VSTM4: variants seen among roughly 807,000 people sequenced by gnomAD.
VSTM4 encodes V-set and transmembrane domain containing 4, also known as V-set and transmembrane domain-containing protein 4.
A neutral mutation model predicts 36.4 loss-of-function variants in VSTM4; 20 were observed. That is an observed-to-expected ratio of 0.55 (90% CI 0.39 to 0.80). VSTM4 has a LOEUF of 0.80. Ranked by LOEUF, VSTM4 falls within the 30% of genes least tolerant of loss-of-function variation. VSTM4 has a pLI of 0.00. For synonymous variants in VSTM4, 182 were observed against 173.9 expected, an observed-to-expected ratio of 1.05 and a Z score of -0.37; for missense variants, 392 against 404.5, an observed-to-expected ratio of 0.97 and a Z score of 0.26.
intron 7 of VSTM4, among the ~76,000 whole-genome samples, chr10:49,044,543 AG>A (rs1428473458): frequency 6.6e-6 from 1 of 150,890 alleles, no homozygotes; most frequent in Non-Finnish European, 1.5e-5. Flanking sequence ...AAAGAAAGAA[AG>A]GAAGAAAGGA....
intron 7 of VSTM4, among the ~76,000 whole-genome samples, chr10:49,022,968 T>C (rs777035625): frequency 6.6e-6 from 1 of 152,188 alleles, no homozygotes; most frequent in Non-Finnish European, 1.5e-5. Context: ...TTTTATGATG[T>C]TCCTATAGTA....
intron 7 of VSTM4, among the ~76,000 whole-genome samples, chr10:49,026,648 G>A (rs1213719616): frequency 6.6e-6 from 1 of 152,170 alleles, no homozygotes; most frequent in Non-Finnish European, 1.5e-5. Flanking sequence ...TGCCCTCCGT[G>A]TGGAAAAAGA....
chr10:49,093,180 C>T (rs368967920), intron 2 of VSTM4, among the ~76,000 whole-genome samples: 51 of 152,246 alleles, frequency 3.3e-4, no homozygotes, highest in African/African-American at 1.2e-3. Flanking sequence ...AGCCTATAGT[C>T]GGCAAAATAA....
In VSTM4 at chr10:49,017,558, C is replaced by G. The variant is rs558975793; in HGVS notation, c.*2092G>C. The G allele has an allele frequency of 6.6e-6, 1 of 152,330 alleles. No individual in the cohort carries two copies. The highest frequency in any genetic ancestry group is 1.9e-4 in the East Asian group (1 of 5,188). 9.4% of individuals were successfully genotyped at this position (152,330 alleles called of 1,614,324 possible). On this transcript the variant is annotated 3_prime_UTR_variant, in exon 8 of 8. Coordinates refer to ENST00000332853, the MANE Select transcript of VSTM4 (RefSeq NM_001031746.5). ...TGTTCTTGGTAGAATGTGTTCCTGT[C>G]CATGCATAATAACCCTAAGCTCTCT...
chr10:49,020,136 C>CA (rs1564562790), intron 7 of VSTM4, among the ~76,000 whole-genome samples: 1 of 151,992 alleles, frequency 6.6e-6, no homozygotes, highest in African/African-American at 2.4e-5. Context: ...GAGATGGAAA[C>CA]AAAAAAATTC....
At chr10:49,034,968 T>C (rs1843405002) in intron 7 of VSTM4, among the ~76,000 whole-genome samples, 1 of 152,110 alleles carries the variant, frequency 6.6e-6, no homozygotes, top group Admixed American at 6.5e-5. Flanking sequence ...ATCTCAGAAA[T>C]GAAGTGCCCA....
At chr10:49,091,878 G>C (rs1750465647) in intron 2 of VSTM4, among the ~76,000 whole-genome samples, 1 of 152,212 alleles carries the variant, frequency 6.6e-6, no homozygotes, top group Admixed American at 6.5e-5. Context: ...TGCAACTCTA[G>C]GCTATATCCA....
chr10:49,044,943 T>C (rs771380883), intron 7 of VSTM4, among the ~76,000 whole-genome samples: 3 of 152,226 alleles, frequency 2.0e-5, no homozygotes, highest in African/African-American at 2.4e-5. Flanking sequence ...TCACCAAACA[T>C]TGAAAAGATA....
intron 1 of VSTM4, among the ~76,000 whole-genome samples, chr10:49,110,907 C>G (rs778487358): frequency 6.6e-6 from 1 of 152,236 alleles, no homozygotes; most frequent in Non-Finnish European, 1.5e-5. Flanking sequence ...GCCCTGTTCA[C>G]AGCAAGCTTC....
intron 3 of VSTM4, among the ~76,000 whole-genome samples, chr10:49,078,474 A>C (rs2131992982): frequency 6.7e-6 from 1 of 148,276 alleles, no homozygotes; most frequent in African/African-American, 2.5e-5. Context: ...AGAACAAACT[A>C]TCGACACACA....
rs1226692553 is a variant in VSTM4, at chr10:49,015,082, C to G, written c.*4568G>C. 1 of 151,944 alleles carries G rather than the reference C, an allele frequency of 6.6e-6. No individual in the cohort carries two copies. The highest frequency in any genetic ancestry group is 1.5e-5 in the Non-Finnish European group (1 of 68,064). The allele number at this position is 151,944 out of a possible 1,614,324, so 9.4% of individuals were successfully genotyped here. A position where few individuals can be genotyped will look rare whatever the true frequency, so the allele number is the denominator to read the frequency against. On this transcript the variant is annotated 3_prime_UTR_variant, in exon 8 of 8. Coordinates refer to ENST00000332853, the MANE Select transcript of VSTM4 (RefSeq NM_001031746.5). ...GGGAGCTTGTTAGAAACTCAGAATC[C>G]CAGGTCCTATCCCAGACCTCCTGAG...
At chr10:49,105,866 GTA>G (rs1402521285) in intron 2 of VSTM4, among the ~76,000 whole-genome samples, 12 of 151,496 alleles carry the variant, frequency 7.9e-5, no homozygotes, top group Non-Finnish European at 1.6e-4. Context: ...TATCTTGTGT[GTA>G]TATATATATG....
At chr10:49,080,849 T>C (rs1425238182) in intron 3 of VSTM4, among the ~76,000 whole-genome samples, 1 of 152,214 alleles carries the variant, frequency 6.6e-6, no homozygotes. Flanking sequence ...GTCCAGAAGC[T>C]GATGGAATGT....
chr10:49,070,177 C>A (rs977599985), intron 4 of VSTM4, among the ~76,000 whole-genome samples: 1 of 101,374 alleles, frequency 9.9e-6, no homozygotes, highest in East Asian at 2.7e-4. Context: ...GGCATGAACC[C>A]GGGAGGCGGA....
chr10:49,114,691 C>T (rs1365554311), intron 1 of VSTM4, among the ~76,000 whole-genome samples: 1 of 152,038 alleles, frequency 6.6e-6, no homozygotes, highest in Non-Finnish European at 1.5e-5. Context: ...GGGAAAGTGA[C>T]CATCGATACC....
rs117428229 is a variant in VSTM4 at position 49,055,569 on chromosome 10, C to G, written c.669-6985G>C. ...ACCCCTTCTCCCCAAGGTCAGCTGC[C>G]ATTGATAAAGGCCAAGAACTCATGC... On this transcript the variant is annotated intron_variant, in intron 5 of 7. Coordinates refer to ENST00000332853, the MANE Select transcript of VSTM4 (RefSeq NM_001031746.5). 1.6e-3 allele frequency among the ~76,000 whole-genome samples: 250 copies of G among 152,312 alleles called. 2 individuals carry two copies. In the East Asian group the frequency reaches 0.021, roughly 13 times the overall value.
intron 1 of VSTM4, among the ~76,000 whole-genome samples, chr10:49,113,234 C>T (rs917164471): frequency 6.6e-6 from 1 of 152,228 alleles, no homozygotes; most frequent in Non-Finnish European, 1.5e-5. Context: ...ACAGCTAAAT[C>T]TCTGAAAGAA....
At chr10:49,032,808 T>C (rs1203478247) in intron 7 of VSTM4, among the ~76,000 whole-genome samples, 1 of 152,038 alleles carries the variant, frequency 6.6e-6, no homozygotes, top group African/African-American at 2.4e-5. Context: ...AATCTCCACA[T>C]GGCTTTTAAC....
rs533845356 is a variant in VSTM4, at chr10:49,028,135, C to T, written c.838-8360G>A. 5.3e-5 allele frequency among the ~76,000 whole-genome samples: 8 copies of T among 152,290 alleles called. No individual in the cohort carries two copies. The South Asian group carries it at 1.7e-3, about 32-fold the overall frequency. On this transcript the variant is annotated intron_variant, in intron 7 of 7. Transcript: ENST00000332853. ...GTCAGTAGCACAGTAATTACCTTTCCCTTATGCTTAAGGAACTTTCCCATC... is the reference window on the plus strand; with the variant it reads ...GTCAGTAGCACAGTAATTACCTTTCTCTTATGCTTAAGGAACTTTCCCATC...
Sources: gnomAD v4.1 joint callset for allele counts (sites outside exome capture counted in the v4.1 genomes callset) on GRCh38, gnomAD v4.1.1 for gene constraint, MANE v1.5 for transcripts, NCBI Gene and HGNC (gene_info 2026-07-23, HGNC 2026-07-21) for gene names.